SLC25A21: variants seen among roughly 807,000 people sequenced by gnomAD.
The protein encoded by SLC25A21 is solute carrier family 25 member 21, also known as mitochondrial 2-oxodicarboxylate carrier.
A neutral mutation model predicts 43.8 loss-of-function variants in SLC25A21; 47 were observed. That is an observed-to-expected ratio of 1.07 (90% CI 0.85 to 1.37). SLC25A21 has a LOEUF of 1.37. Among genes scored for constraint, SLC25A21 ranks in the 40% most tolerant of loss-of-function variants. The probability of loss-of-function intolerance (pLI) is 0.00; values close to 1 mark genes in which losing one functional copy is unlikely to be tolerated. For missense variants in SLC25A21, 352 were observed against 350.2 expected, an observed-to-expected ratio of 1.00 and a Z score of -0.04; for synonymous variants, 131 against 121.3, an observed-to-expected ratio of 1.08 and a Z score of -0.52.
At chr14:36,926,662 G>A (rs991962588) in intron 1 of SLC25A21, among the ~76,000 whole-genome samples, 2 of 152,106 alleles carry the variant, frequency 1.3e-5, no homozygotes, top group African/African-American at 4.8e-5. Context: ...AGTACATTTG[G>A]AAGAAATTAC....
intron 3 of SLC25A21, among the ~76,000 whole-genome samples, chr14:36,796,872 C>T (rs1450592942): frequency 1.3e-5 from 2 of 152,096 alleles, no homozygotes; most frequent in Non-Finnish European, 2.9e-5. Flanking sequence ...CTTTACTTAA[C>T]TGCCTCAGGG....
chr14:36,809,511 T>A (rs1888158598), intron 3 of SLC25A21, among the ~76,000 whole-genome samples: 1 of 152,136 alleles, frequency 6.6e-6, no homozygotes, highest in Non-Finnish European at 1.5e-5. Flanking sequence ...GTATTTACGC[T>A]TTTTAAGAAG....
chr14:36,959,851 A>G (rs1418320476), intron 1 of SLC25A21, among the ~76,000 whole-genome samples: 3 of 152,202 alleles, frequency 2.0e-5, no homozygotes, highest in Non-Finnish European at 4.4e-5. Flanking sequence ...AAGACAGAAT[A>G]TTGAAATAAG....
chr14:36,873,207 C>T lies in SLC25A21; in HGVS notation c.119+1749G>A, dbSNP rs560369878. Among the ~76,000 whole-genome samples, 34 of 152,118 alleles carry T rather than the reference C, an allele frequency of 2.2e-4. 1 individual carries two copies. Among genetic ancestry groups the T allele is most frequent in the African/African-American group, 7.7e-4 (32 of 41,434 alleles). ...TCCCAGGGAGTTTTGCTTTCTGTTTCAGAACCTTGTAATAAAGATGGCCCA... is the reference window on the plus strand; with the variant it reads ...TCCCAGGGAGTTTTGCTTTCTGTTTTAGAACCTTGTAATAAAGATGGCCCA... On this transcript the variant is annotated intron_variant, in intron 2 of 9. Coordinates refer to ENST00000331299, the MANE Select transcript of SLC25A21 (RefSeq NM_030631.4).
intron 1 of SLC25A21, among the ~76,000 whole-genome samples, chr14:36,938,098 A>G (rs1029485802): frequency 2.0e-5 from 3 of 152,122 alleles, no homozygotes; most frequent in Non-Finnish European, 1.5e-5. Context: ...AATGGTCTGC[A>G]TGTTAACCCT....
chr14:36,971,935 GGA>G (rs1321191019), intron 1 of SLC25A21, among the ~76,000 whole-genome samples: 1 of 152,006 alleles, frequency 6.6e-6, no homozygotes, highest in African/African-American at 2.4e-5. Context: ...GTTAAGAAGA[GGA>G]CACAAATACT....
At chr14:36,810,589 A>G (rs1165886929) in intron 3 of SLC25A21, among the ~76,000 whole-genome samples, 2 of 152,204 alleles carry the variant, frequency 1.3e-5, no homozygotes, top group Non-Finnish European at 2.9e-5. Flanking sequence ...AAAATATTTA[A>G]TCAAGCATCA....
At chr14:36,894,816 G>A (rs1351383011) in intron 1 of SLC25A21, among the ~76,000 whole-genome samples, 1 of 152,094 alleles carries the variant, frequency 6.6e-6, no homozygotes, top group Non-Finnish European at 1.5e-5. Flanking sequence ...TTTTGTCATT[G>A]GTTCTGTTTA....
intron 1 of SLC25A21, among the ~76,000 whole-genome samples, chr14:37,000,616 C>A (rs929680224): frequency 4.8e-4 from 73 of 152,244 alleles, no homozygotes; most frequent in African/African-American, 1.7e-3. Context: ...TCTGAGAGAT[C>A]TTCTGATGTG....
intron 1 of SLC25A21, among the ~76,000 whole-genome samples, chr14:36,932,026 C>T (rs540212839): frequency 1.3e-3 from 193 of 152,162 alleles, no homozygotes; most frequent in Non-Finnish European, 2.3e-3. Context: ...TTGGATTATA[C>T]CATGGATTCT....
At chr14:36,810,895 A>AAT (rs756710383) in intron 3 of SLC25A21, among the ~76,000 whole-genome samples, 4 of 94,728 alleles carry the variant, frequency 4.2e-5, no homozygotes, top group Admixed American at 1.0e-4. Context: ...GAGTGGGGGA[A>AAT]ATAATTCAGC....
At chr14:36,837,835 C>T (rs193075591) in intron 2 of SLC25A21, among the ~76,000 whole-genome samples, 1 of 152,172 alleles carries the variant, frequency 6.6e-6, no homozygotes, top group Non-Finnish European at 1.5e-5. Flanking sequence ...CTGTCTTGCC[C>T]CTTTACTTTT....
chr14:37,092,897 T>C (rs1962615988), intron 1 of SLC25A21, among the ~76,000 whole-genome samples: 1 of 151,364 alleles, frequency 6.6e-6, no homozygotes, highest in South Asian at 2.1e-4. Flanking sequence ...TTTTCCTGCC[T>C]GCTCCATGAC....
intron 1 of SLC25A21, among the ~76,000 whole-genome samples, chr14:37,167,757 T>C (rs1173190058): frequency 6.6e-6 from 1 of 151,974 alleles, no homozygotes; most frequent in East Asian, 1.9e-4. Context: ...ATGGATCAGC[T>C]GGCATCACCT....
rs186083108 is a variant in SLC25A21, at chr14:37,019,629, T to C, written c.71-144625A>G. Among the ~76,000 whole-genome samples the C allele has an allele frequency of 4.8e-5, 7 of 146,874 alleles. No individual in the cohort carries two copies. In the East Asian group the frequency reaches 1.4e-3, roughly 29 times the overall value. On this transcript the variant is annotated intron_variant, in intron 1 of 9. Coordinates refer to ENST00000331299, the MANE Select transcript of SLC25A21 (RefSeq NM_030631.4). ...TTAGGAGGGGAAATGAGGAAGGTCATTCCAGGTCAAGGAGACAACTGGTAA... is the reference window on the plus strand; with the variant it reads ...TTAGGAGGGGAAATGAGGAAGGTCACTCCAGGTCAAGGAGACAACTGGTAA...
intron 1 of SLC25A21, among the ~76,000 whole-genome samples, chr14:36,893,445 C>T (rs539072302): frequency 1.3e-5 from 2 of 152,198 alleles, no homozygotes; most frequent in South Asian, 4.2e-4. Flanking sequence ...GGATATTAGC[C>T]CTTTGACAGA....
intron 6 of SLC25A21, among the ~76,000 whole-genome samples, chr14:36,717,903 G>T (rs1362658482): frequency 6.6e-6 from 1 of 152,110 alleles, no homozygotes; most frequent in East Asian, 1.9e-4. Context: ...GTGAGCGTCA[G>T]GAAAAATGGA....
intron 6 of SLC25A21, among the ~76,000 whole-genome samples, chr14:36,712,878 T>C (rs1345920038): frequency 6.6e-6 from 1 of 152,162 alleles, no homozygotes; most frequent in East Asian, 1.9e-4. Context: ...CACCCCCAAA[T>C]CATTATTTTT....
intron 1 of SLC25A21, among the ~76,000 whole-genome samples, chr14:37,048,434 G>A (rs536000187): frequency 1.1e-4 from 16 of 151,554 alleles, no homozygotes; most frequent in Non-Finnish European, 2.4e-4. Context: ...TGGTGGAGGG[G>A]AAGAGGCAGT....
Sources: gnomAD v4.1 joint callset for allele counts (sites outside exome capture counted in the v4.1 genomes callset) on GRCh38, gnomAD v4.1.1 for gene constraint, MANE v1.5 for transcripts, NCBI Gene and HGNC (gene_info 2026-07-23, HGNC 2026-07-21) for gene names.